GLI2: variants seen among roughly 807,000 people sequenced by gnomAD.
GLI2 encodes GLI family zinc finger 2.
A neutral mutation model predicts 78.9 loss-of-function variants in GLI2; 22 were observed. The ratio of observed to expected loss-of-function variants is 0.28; its 90% CI spans 0.20 to 0.40. The LOEUF is 0.40. GLI2 is among the 10% of genes least tolerant of loss of function. The pLI is 1.00. For missense variants in GLI2, 2,097 were observed against 2,213.2 expected (o/e 0.95, Z 1.05); for synonymous variants, 974 against 963.7 (o/e 1.01, Z -0.20).
chr2:120,810,870 C>T (rs1685205233), intron 2 of GLI2, among the ~76,000 whole-genome samples: 1 of 152,198 alleles, frequency 6.6e-6, no homozygotes, highest in Admixed American at 6.5e-5. Flanking sequence ...GATTGGCTTT[C>T]CGCTGGCCTG....
Position 120,985,347 on chromosome 2 carries a change from G to A in GLI2, c.1905+604G>A, listed in dbSNP as rs772579752. 6.6e-5 allele frequency among the ~76,000 whole-genome samples: 10 copies of A among 152,190 alleles called. No individual in the cohort carries two copies. The East Asian group carries it at 1.2e-3, about 18-fold the overall frequency. On this transcript the variant is annotated intron_variant, in intron 12 of 13. Coordinates refer to ENST00000361492, the MANE Select transcript of GLI2 (RefSeq NM_001374353.1). ...GGCAGGTGGGCCCGGACAGGCACAC[G>A]GCAGGGCACTGCAGGTGGGGCCATT...
chr2:120,912,697 T>C (rs1024712486), intron 2 of GLI2, among the ~76,000 whole-genome samples: 2 of 152,138 alleles, frequency 1.3e-5, no homozygotes, highest in Admixed American at 6.5e-5. Flanking sequence ...GCACTGCCCC[T>C]CATGACCCCG....
intron 2 of GLI2, among the ~76,000 whole-genome samples, chr2:120,822,267 A>AGC (rs1335660342): frequency 6.6e-6 from 1 of 152,252 alleles, no homozygotes; most frequent in African/African-American, 2.4e-5. Flanking sequence ...GAGTTAGAGC[A>AGC]GCCTTCTTGT....
intron 2 of GLI2, among the ~76,000 whole-genome samples, chr2:120,803,513 A>G (rs916376351): frequency 6.6e-6 from 1 of 152,176 alleles, no homozygotes; most frequent in Admixed American, 6.5e-5. Context: ...TGACCCGTTG[A>G]GGCTGACAGC....
At chr2:120,738,862 G>T (rs1472741646) in intron 1 of GLI2, among the ~76,000 whole-genome samples, 1 of 152,212 alleles carries the variant, frequency 6.6e-6, no homozygotes, top group Non-Finnish European at 1.5e-5. Flanking sequence ...CCTTGAAGGG[G>T]ACTCTTGACT....
intron 13 of GLI2, among the ~76,000 whole-genome samples, chr2:120,987,207 C>T (rs747737445): frequency 3.9e-5 from 6 of 152,206 alleles, no homozygotes; most frequent in Non-Finnish European, 5.9e-5. Flanking sequence ...ACGAGCATGT[C>T]TTGGGTACTG....
intron 2 of GLI2, among the ~76,000 whole-genome samples, chr2:120,881,490 A>AG: frequency 1.4e-5 from 1 of 72,338 alleles, no homozygotes; most frequent in Non-Finnish European, 2.8e-5. Flanking sequence ...GTCGTGGGGA[A>AG]GACAGTGGGG....
intron 2 of GLI2, among the ~76,000 whole-genome samples, chr2:120,844,114 C>T (rs1021777128): frequency 1.2e-4 from 19 of 152,186 alleles, no homozygotes; most frequent in African/African-American, 4.6e-4. Context: ...GGGTGCTTGA[C>T]ATTTTCCCTA....
intron 2 of GLI2, among the ~76,000 whole-genome samples, chr2:120,805,952 G>A (rs1215238366): frequency 6.6e-6 from 1 of 152,090 alleles, no homozygotes; most frequent in Admixed American, 6.6e-5. Flanking sequence ...ATTCCTGTCC[G>A]GAATTATTTA....
intron 2 of GLI2, among the ~76,000 whole-genome samples, chr2:120,912,545 T>C (rs1189597878): frequency 4.6e-5 from 7 of 151,986 alleles, no homozygotes; most frequent in Non-Finnish European, 1.5e-5. Context: ...CAGTGGTCGT[T>C]GGTGGGGAGA....
At position 120,978,493 on chromosome 2, in the gene GLI2, C is replaced by T. The variant is rs779826125; in HGVS notation, c.1377C>T (p.Ala459=). The change falls in exon 10 of 14, where the codon GCC becomes GCT. Residue 459 remains alanine (A), a synonymous_variant. Transcript: ENST00000361492. ...EKKEFVCRWQ[A]CTREQKPFKA... ...AGGAGTTTGTGTGCCGCTGGCAGGC[C>T]TGCACGCGGGAGCAGAAGCCCTTCA... 20 of 1,614,050 alleles carry T rather than the reference C, an allele frequency of 1.2e-5. No homozygotes were observed. Among genetic ancestry groups the T allele is most frequent in the Non-Finnish European group, 1.7e-5 (20 of 1,180,026 alleles).
chr2:120,779,896 TAGAG>T lies in GLI2; in HGVS notation c.-30-17392_-30-17389del, dbSNP rs543846503. Among the ~76,000 whole-genome samples the T allele has an allele frequency of 5.9e-3, 897 of 152,208 alleles. 7 individuals are homozygous for T. Among genetic ancestry groups the T allele is most frequent in the African/African-American group, 0.02 (839 of 41,542 alleles). ...AGTGCAGGTCTGAGCTGTGGCAGCT[TAGAG>T]AGTGTATACGTGTGTGAGTGTGTGT... On this transcript the variant is annotated intron_variant, in intron 1 of 13. Coordinates refer to ENST00000361492, the MANE Select transcript of GLI2 (RefSeq NM_001374353.1).
intron 9 of GLI2, among the ~76,000 whole-genome samples, chr2:120,975,844 AC>A (rs1450931892): frequency 2.0e-5 from 3 of 152,158 alleles, no homozygotes; most frequent in Non-Finnish European, 2.9e-5. Context: ...CCCCACCACA[AC>A]CAGCTGAGTG....
intron 2 of GLI2, among the ~76,000 whole-genome samples, chr2:120,916,477 C>T (rs75079736): frequency 0.039 from 5,944 of 152,378 alleles, 355 homozygotes; most frequent in African/African-American, 0.13. Flanking sequence ...TGCTCCAGAC[C>T]TCATGGAAAT....
chr2:120,956,676 G>A (rs554507680), intron 5 of GLI2, among the ~76,000 whole-genome samples: 3 of 152,222 alleles, frequency 2.0e-5, no homozygotes, highest in Admixed American at 2.0e-4. Context: ...CCCTGCCTGG[G>A]GTGGCGTTTT....
intron 2 of GLI2, among the ~76,000 whole-genome samples, chr2:120,919,785 C>G (rs1378606821): frequency 6.6e-6 from 1 of 152,230 alleles, no homozygotes. Flanking sequence ...ATGCGCCCTT[C>G]CTTGATTTCT....
At chr2:120,966,476 T>A (rs908412504) in intron 5 of GLI2, among the ~76,000 whole-genome samples, 10 of 152,218 alleles carry the variant, frequency 6.6e-5, no homozygotes, top group African/African-American at 2.4e-4. Context: ...TCTACTCCCC[T>A]CTGTGGCCTC....
Position 120,988,864 on chromosome 2 carries a change from G to T in GLI2, c.2899G>T (p.Val967Leu). 3 of 1,497,084 alleles carry T rather than the reference G, an allele frequency of 2.0e-6. No homozygotes were observed. Among genetic ancestry groups the T allele is most frequent in the Non-Finnish European group, 1.8e-6 (2 of 1,125,528 alleles). 92.7% of individuals were successfully genotyped at this position (1,497,084 alleles called of 1,614,324 possible). A position where few individuals can be genotyped will look rare whatever the true frequency, so the allele number is the denominator to read the frequency against. ...GCCCGATGCCCTGTCCCTGCCGCGGGTGCAGCGCTTCCACAGCACCCACAA... is the reference window on the plus strand; with the variant it reads ...GCCCGATGCCCTGTCCCTGCCGCGGTTGCAGCGCTTCCACAGCACCCACAA... Reference protein sequence around the residue: ...RRPDALSLPRVQRFHSTHNVN... With the variant: ...RRPDALSLPRLQRFHSTHNVN... The change falls in exon 14 of 14, where the codon GTG (valine) becomes TTG (leucine). Residue 967 changes from valine (V) to leucine (L), a missense_variant. By Grantham distance (32) the Val-to-Leu change is conservative (BLOSUM62 1). Coordinates refer to ENST00000361492, the MANE Select transcript of GLI2 (RefSeq NM_001374353.1).
At chr2:120,858,206 G>C (rs1687748747) in intron 2 of GLI2, among the ~76,000 whole-genome samples, 1 of 152,236 alleles carries the variant, frequency 6.6e-6, no homozygotes, top group South Asian at 2.1e-4. Context: ...GTTGATGCCA[G>C]CTGTGTGGCT....
Sources: allele counts gnomAD v4.1 joint callset (sites outside exome capture counted in the v4.1 genomes callset), GRCh38; gene constraint gnomAD v4.1.1; transcripts MANE v1.5; gene names NCBI Gene and HGNC (gene_info 2026-07-23, HGNC 2026-07-21).